APOD: variants seen among roughly 807,000 people sequenced by gnomAD.
APOD encodes apo-D.
In APOD, 22 loss-of-function variants were observed where a neutral mutation model predicts 20.4. That is an observed-to-expected ratio of 1.08 (90% CI 0.77 to 1.54). The LOEUF (loss-of-function observed/expected upper bound fraction) is 1.54. Among genes scored for constraint, APOD ranks in the 40% most tolerant of loss-of-function variants. The pLI is 0.00. For synonymous variants in APOD, 97 were observed against 92.4 expected (o/e 1.05, Z -0.29); for missense variants, 223 against 229.6 (o/e 0.97, Z 0.19).
chr3:195,575,566 G>A (rs1256503805), intron 2 of APOD, among the ~76,000 whole-genome samples: 1 of 152,120 alleles, frequency 6.6e-6, no homozygotes, highest in East Asian at 1.9e-4. Flanking sequence ...TTTATGTGGT[G>A]TATTCTTTTA....
At chr3:195,582,220 C>A (rs80112534) in intron 1 of APOD, among the ~76,000 whole-genome samples, 113 of 151,978 alleles carry the variant, frequency 7.4e-4, no homozygotes, top group East Asian at 6.6e-3. Flanking sequence ...ACAACAACAA[C>A]AAAAAAACTC....
rs146445395 is a variant in APOD at position 195,568,831 on chromosome 3, T to TGGCGG, written c.*68_*69insCCGCC. ...GTCGTGGTTGATTGGTTTGTCTTTA[T>TGGCGG]GGGGGGGGGGTAGGGGAAAGCGAAG... On this transcript the variant is annotated 3_prime_UTR_variant, in exon 5 of 5. Coordinates refer to ENST00000343267, the MANE Select transcript of APOD (RefSeq NM_001647.4). 31 of 896,754 alleles carry TGGCGG rather than the reference T, an allele frequency of 3.5e-5. No homozygotes were observed. The highest frequency in any genetic ancestry group is 9.5e-5 in the Admixed American group (4 of 42,104). The allele number at this position is 896,754 out of a possible 1,614,324, so 55.5% of individuals were successfully genotyped here. A position where few individuals can be genotyped will look rare whatever the true frequency, so the allele number is the denominator to read the frequency against.
chr3:195,577,885 G>A lies in APOD; in HGVS notation c.123+1454C>T, dbSNP rs529334326. Reference sequence around the variant, plus strand: ...GGAGACAGAAAGTAGATTAGTGGTTGCCTGGGGCTGGAAGGGTTGGAGGGG... The same window carrying A: ...GGAGACAGAAAGTAGATTAGTGGTTACCTGGGGCTGGAAGGGTTGGAGGGG... On this transcript the variant is annotated intron_variant, in intron 2 of 4. Coordinates refer to ENST00000343267, the MANE Select transcript of APOD (RefSeq NM_001647.4). Among the ~76,000 whole-genome samples, 11 of 152,310 alleles carry A rather than the reference G, an allele frequency of 7.2e-5. 1 individual carries two copies. In the South Asian group the frequency reaches 2.3e-3, roughly 32 times the overall value.
chr3:195,573,820 G>A lies in APOD; in HGVS notation c.245+30C>T, dbSNP rs199579475. 9 of 1,611,288 alleles carry A rather than the reference G, an allele frequency of 5.6e-6. No individual in the cohort carries two copies. In the Admixed American group the frequency reaches 1.5e-4, roughly 27 times the overall value. ...GTCACTCTGCATCAGCACTCCGCAGGCCTGGCCCCGGACGCCCACAGCCAC... is the reference window on the plus strand; with the variant it reads ...GTCACTCTGCATCAGCACTCCGCAGACCTGGCCCCGGACGCCCACAGCCAC... On this transcript the variant is annotated intron_variant, in intron 3 of 4. Transcript: ENST00000343267.
chr3:195,576,519 A>C (rs35598328), intron 2 of APOD, among the ~76,000 whole-genome samples: 23,485 of 152,244 alleles, frequency 0.15, 2,342 homozygotes, highest in Non-Finnish European at 0.23. Flanking sequence ...AAAATCAAAT[A>C]TATTTCTCAG....
intron 1 of APOD, among the ~76,000 whole-genome samples, chr3:195,580,352 T>C (rs1416957621): frequency 4.7e-5 from 5 of 105,502 alleles, no homozygotes; most frequent in African/African-American, 2.3e-4. Context: ...TTCTTTTCTT[T>C]TCTTCTTTCT....
At chr3:195,575,082 G>C (rs1720226998) in intron 2 of APOD, among the ~76,000 whole-genome samples, 1 of 152,206 alleles carries the variant, frequency 6.6e-6, no homozygotes, top group Admixed American at 6.5e-5. Context: ...TTCCCTCTGG[G>C]AGCTCTAGGG....
chr3:195,569,205 G>A, intron 4 of APOD, 70 bp from the exon 5 acceptor site: 1 of 1,400,260 alleles, frequency 7.1e-7, no homozygotes, highest in Non-Finnish European at 1.0e-6. Context: ...ACACAAGAAG[G>A]CTGGCCCAGA....
At chr3:195,575,331 TCTCAAGG>T (rs1236884594) in intron 2 of APOD, among the ~76,000 whole-genome samples, 1 of 152,216 alleles carries the variant, frequency 6.6e-6, no homozygotes, top group African/African-American at 2.4e-5. Flanking sequence ...AATCTGGCCA[TCTCAAGG>T]CTCATAACTT....
chr3:195,579,240 G>A (rs1033523285), intron 2 of APOD, 99 bp downstream of exon 2: 2 of 1,531,274 alleles, frequency 1.3e-6, no homozygotes, highest in Non-Finnish European at 1.8e-6. Flanking sequence ...CTTGTCCCAA[G>A]GTGTGCAGTG....
At position 195,569,156 on chromosome 3, in the gene APOD, G is replaced by T. The variant is rs771870092; in HGVS notation, c.335-21C>A. 5 of 1,601,912 alleles carry T rather than the reference G, an allele frequency of 3.1e-6. No individual in the cohort carries two copies. In the South Asian group the frequency reaches 3.3e-5, roughly 11 times the overall value. ...CATAACTGAGAACCAGAGAGAGGCA[G>T]CATTATTGGAGGGAGAGGGCAAGAG... On this transcript the variant is annotated intron_variant, in intron 4 of 4. Coordinates refer to ENST00000343267, the MANE Select transcript of APOD (RefSeq NM_001647.4).
intron 1 of APOD, among the ~76,000 whole-genome samples, chr3:195,580,024 T>G (rs1354149206): frequency 6.6e-6 from 1 of 152,300 alleles, no homozygotes; most frequent in East Asian, 1.9e-4. Flanking sequence ...TCTTGCTGGC[T>G]GTTCTACCAG....
intron 2 of APOD, among the ~76,000 whole-genome samples, chr3:195,575,803 T>G (rs1234411220): frequency 6.6e-6 from 1 of 152,060 alleles, no homozygotes; most frequent in African/African-American, 2.4e-5. Context: ...AATTTTTGTA[T>G]TTTTACTGGA....
chr3:195,579,320 C>G lies in APOD; in HGVS notation c.123+19G>C, dbSNP rs1015123733. 4 of 1,613,644 alleles carry G rather than the reference C, an allele frequency of 2.5e-6. No homozygotes were observed. The South Asian group carries it at 3.3e-5, about 13-fold the overall frequency. Reference sequence around the variant, plus strand: ...TTCACAGCGGAGGCAGCAAAACAAACGGGAGGTTCGCCTTTTACCTTATTC... The same window carrying G: ...TTCACAGCGGAGGCAGCAAAACAAAGGGGAGGTTCGCCTTTTACCTTATTC... On this transcript the variant is annotated intron_variant, in intron 2 of 4. Transcript: ENST00000343267.
At position 195,569,014 on chromosome 3, in the gene APOD, GT is replaced by G; in HGVS notation, c.455del (p.Asn152ThrfsTer12). On this transcript the variant is annotated frameshift_variant, in exon 5 of 5. Transcript: ENST00000343267. LOFTEE classifies it high-confidence loss of function. The part of the protein sequence containing the change: ...HVDFAWILAR[N>X]PNLPPETVDS... ...CCACTGTTTCTGGAGGGAGATTAGGGTTTCTTGCCAAGATCCAAGCAAAATC... is the reference window on the plus strand; with the variant it reads ...CCACTGTTTCTGGAGGGAGATTAGGGTTCTTGCCAAGATCCAAGCAAAATC... The G allele has an allele frequency of 6.2e-7, 1 of 1,614,078 alleles. No homozygotes were observed. Among genetic ancestry groups the G allele is most frequent in the Non-Finnish European group, 8.5e-7 (1 of 1,179,988 alleles).
intron 1 of APOD, among the ~76,000 whole-genome samples, chr3:195,581,895 C>G (rs1166689772): frequency 1.3e-5 from 2 of 152,158 alleles, no homozygotes; most frequent in Non-Finnish European, 2.9e-5. Context: ...CCTTGTGATG[C>G]CAGGTGCGGT....
At chr3:195,578,699 G>T (rs539509940) in intron 2 of APOD, among the ~76,000 whole-genome samples, 3 of 152,188 alleles carry the variant, frequency 2.0e-5, no homozygotes, top group African/African-American at 7.2e-5. Flanking sequence ...AGCCCTGTTT[G>T]AGTGACCTTT....
chr3:195,573,221 T>A (rs1720195590), intron 3 of APOD, among the ~76,000 whole-genome samples: 1 of 152,238 alleles, frequency 6.6e-6, no homozygotes, highest in African/African-American at 2.4e-5. Flanking sequence ...GCATTTGTAT[T>A]TTCAAGAGTG....
intron 2 of APOD, among the ~76,000 whole-genome samples, chr3:195,574,214 G>A (rs1013252191): frequency 6.6e-6 from 1 of 152,134 alleles, no homozygotes; most frequent in Non-Finnish European, 1.5e-5. Context: ...AGCCAAAATC[G>A]CTGTGACATT....
Sources: allele counts gnomAD v4.1 joint callset (sites outside exome capture counted in the v4.1 genomes callset), GRCh38; gene constraint gnomAD v4.1.1; transcripts MANE v1.5; gene names NCBI Gene and HGNC (gene_info 2026-07-23, HGNC 2026-07-21).